IQGAP2: variants seen among roughly 807,000 people sequenced by gnomAD.
IQGAP2 encodes the protein ras GTPase-activating-like protein IQGAP2.
In IQGAP2, 173 loss-of-function variants were observed where a neutral mutation model predicts 201.3. The observed-to-expected ratio is 0.86, with a 90% confidence interval of 0.76 to 0.98. IQGAP2 has a LOEUF of 0.98. Ranked by LOEUF, IQGAP2 falls within the 50% of genes least tolerant of loss-of-function variation. IQGAP2 has a pLI of 0.00. For synonymous variants in IQGAP2, 675 were observed against 673.9 expected (o/e 1.00, Z -0.03); for missense variants, 1,687 against 1,864.8 (o/e 0.90, Z 1.76).
At chr5:76,598,688 C>T (rs911490566) in intron 10 of IQGAP2, among the ~76,000 whole-genome samples, 2 of 152,074 alleles carry the variant, frequency 1.3e-5, no homozygotes, top group African/African-American at 4.8e-5. Flanking sequence ...CTGACAGTTA[C>T]GTTCTAGAAA....
At chr5:76,567,599 A>G (rs781706110) in intron 3 of IQGAP2, among the ~76,000 whole-genome samples, 3 of 152,156 alleles carry the variant, frequency 2.0e-5, no homozygotes, top group Non-Finnish European at 4.4e-5. Context: ...TGAGTATAAT[A>G]TTTGGACTTG....
At chr5:76,508,004 CAAA>C (rs35283673) in intron 2 of IQGAP2, among the ~76,000 whole-genome samples, 21 of 63,328 alleles carry the variant, frequency 3.3e-4, no homozygotes, top group African/African-American at 1.2e-3. Flanking sequence ...GACTCCTTCT[CAAA>C]AAAAAAAAAA....
At chr5:76,675,423 G>A (rs1250966746) in intron 27 of IQGAP2, among the ~76,000 whole-genome samples, 9 of 152,172 alleles carry the variant, frequency 5.9e-5, no homozygotes. Flanking sequence ...TATATTTGTT[G>A]ATGATTGTGT....
At chr5:76,586,020 T>A (rs1746220586) in intron 5 of IQGAP2, among the ~76,000 whole-genome samples, 1 of 152,240 alleles carries the variant, frequency 6.6e-6, no homozygotes, top group African/African-American at 2.4e-5. Flanking sequence ...GAGTTGAGAA[T>A]TGGTTCATAA....
chr5:76,463,978 G>A (rs1246172249), intron 2 of IQGAP2, among the ~76,000 whole-genome samples: 2 of 151,700 alleles, frequency 1.3e-5, no homozygotes, highest in Non-Finnish European at 2.9e-5. Flanking sequence ...CTCCCAAGCA[G>A]CTGAGATTAC....
intron 3 of IQGAP2, among the ~76,000 whole-genome samples, chr5:76,569,769 A>G (rs1278518287): frequency 2.0e-5 from 3 of 152,224 alleles, no homozygotes; most frequent in African/African-American, 7.2e-5. Context: ...TAAATAGATA[A>G]CATGGTGCTA....
chr5:76,420,836 T>C (rs1170950370), intron 1 of IQGAP2, among the ~76,000 whole-genome samples: 1 of 152,246 alleles, frequency 6.6e-6, no homozygotes, highest in Non-Finnish European at 1.5e-5. Flanking sequence ...CAGTATTTGG[T>C]CTTTTATGTC....
intron 2 of IQGAP2, among the ~76,000 whole-genome samples, chr5:76,504,157 G>GTAA (rs1364416343): frequency 6.6e-6 from 1 of 152,164 alleles, no homozygotes; most frequent in Non-Finnish European, 1.5e-5. Context: ...CAGTAATAGG[G>GTAA]TAATGTCCAG....
intron 2 of IQGAP2, among the ~76,000 whole-genome samples, chr5:76,551,659 C>A (rs917749669): frequency 4.6e-5 from 7 of 152,000 alleles, no homozygotes; most frequent in African/African-American, 1.7e-4. Context: ...TGGAGACCAG[C>A]CCAGCCAACA....
chr5:76,697,892 G>A (rs879132752), intron 32 of IQGAP2, 95 bp from the exon 33 acceptor site: 10 of 873,414 alleles, frequency 1.1e-5, no homozygotes, highest in South Asian at 3.6e-5. Context: ...TACAAATAGC[G>A]ACTTACTACT....
chr5:76,419,402 T>C (rs1054989542), intron 1 of IQGAP2, among the ~76,000 whole-genome samples: 1 of 152,058 alleles, frequency 6.6e-6, no homozygotes, highest in Non-Finnish European at 1.5e-5. Flanking sequence ...AGTGGCATGG[T>C]CTCAGCTCAC....
intron 1 of IQGAP2, among the ~76,000 whole-genome samples, chr5:76,443,808 G>A (rs530034944): frequency 7.9e-5 from 12 of 152,148 alleles, no homozygotes; most frequent in Non-Finnish European, 1.3e-4. Context: ...TGAAGTTTTA[G>A]CACATTTATT....
At position 76,617,896 on chromosome 5, in the gene IQGAP2, A is replaced by G. The variant is rs1383155360; in HGVS notation, c.1521+6713A>G. 1.2e-6 allele frequency: 2 copies of G among 1,614,126 alleles called. No homozygotes were observed. The highest frequency in any genetic ancestry group is 3.3e-5 in the Admixed American group (2 of 60,014). On this transcript the variant is annotated intron_variant, in intron 13 of 35. Coordinates refer to ENST00000274364, the MANE Select transcript of IQGAP2 (RefSeq NM_006633.5). ...ATGATAAGCACAAATGGAATTAAGA[A>G]TCCAAAGAATGCCAAGGAGATGAAG...
chr5:76,534,008 G>A (rs1759481159), intron 2 of IQGAP2, among the ~76,000 whole-genome samples: 2 of 152,132 alleles, frequency 1.3e-5, no homozygotes, highest in Admixed American at 6.5e-5. Flanking sequence ...TTTGTGTTGT[G>A]TCTGGCTTAA....
At chr5:76,479,271 CA>C (rs1320535808) in intron 2 of IQGAP2, among the ~76,000 whole-genome samples, 1 of 152,158 alleles carries the variant, frequency 6.6e-6, no homozygotes, top group African/African-American at 2.4e-5. Context: ...GGGGCCTGTG[CA>C]GAATGGGTGC....
chr5:76,403,382 G>A lies in IQGAP2; in HGVS notation c.-164G>A, dbSNP rs1198282342. 6.5e-6 allele frequency: 3 copies of A among 461,104 alleles called. No individual in the cohort carries two copies. The highest frequency in any genetic ancestry group is 2.1e-5 in the African/African-American group (1 of 48,612). The allele number at this position is 461,104 out of a possible 1,614,324, so 28.6% of individuals were successfully genotyped here. A position where few individuals can be genotyped will look rare whatever the true frequency, so the allele number is the denominator to read the frequency against. On this transcript the variant is annotated 5_prime_UTR_variant, in exon 1 of 36. Transcript: ENST00000274364. This position sits in a 1 kb window ranked among gnomAD's most constrained non-coding sequence, Gnocchi z 4.8. Reference sequence around the variant, plus strand: ...GCGCGCGGCGGCCGTGGCTGGCTCTGGCGAGAGAGCACCGAGGGAGTGGGT... The same window carrying A: ...GCGCGCGGCGGCCGTGGCTGGCTCTAGCGAGAGAGCACCGAGGGAGTGGGT...
chr5:76,496,753 C>CTTTCTTTCT (rs1561416424), intron 2 of IQGAP2, among the ~76,000 whole-genome samples: 924 of 65,418 alleles, frequency 0.014, 29 homozygotes, highest in Middle Eastern at 0.023. Context: ...TTCTTTCTTT[C>CTTTCTTTCT]TTTCTTTCTT....
chr5:76,449,854 T>A (rs933142832), intron 1 of IQGAP2, among the ~76,000 whole-genome samples: 2 of 152,180 alleles, frequency 1.3e-5, no homozygotes, highest in African/African-American at 4.8e-5. Flanking sequence ...ACGATCCAGT[T>A]CCCAGCCAAG....
chr5:76,652,165 A>T (rs187880415), intron 17 of IQGAP2, among the ~76,000 whole-genome samples: 11 of 152,300 alleles, frequency 7.2e-5, no homozygotes, highest in East Asian at 5.8e-4. Context: ...ATTATTCTTA[A>T]TGGTGATAAT....
Sources: gnomAD v4.1 joint callset for allele counts (sites outside exome capture counted in the v4.1 genomes callset) on GRCh38, gnomAD v4.1.1 for gene constraint, Gnocchi (gnomAD v3.1) non-coding constraint, MANE v1.5 for transcripts, NCBI Gene and HGNC (gene_info 2026-07-23, HGNC 2026-07-21) for gene names.